ISX: variants seen among roughly 807,000 people sequenced by gnomAD.
ISX encodes the protein intestine specific homeobox, also known as intestine-specific homeobox.
In ISX, 15 loss-of-function variants were observed where a neutral mutation model predicts 16.9. The ratio of observed to expected loss-of-function variants is 0.89; its 90% confidence interval spans 0.59 to 1.36. The LOEUF is 1.36. Ranked by LOEUF, ISX falls within the 40% of genes most tolerant of loss-of-function variation. The probability of loss-of-function intolerance (pLI) is 0.00; values close to 1 mark genes in which losing one functional copy is unlikely to be tolerated. For missense variants in ISX, 316 were observed against 306.1 expected (o/e 1.03, Z -0.24); for synonymous variants, 125 against 119.7 (o/e 1.04, Z -0.29).
chr22:35,083,504 T>C (rs1003862593), intron 3 of ISX, among the ~76,000 whole-genome samples: 7 of 152,376 alleles, frequency 4.6e-5, no homozygotes, highest in Admixed American at 1.3e-4. Flanking sequence ...AGGTATTTCC[T>C]GCCCTCTTCA....
At chr22:35,085,259 C>G (rs908762417) in intron 4 of ISX, among the ~76,000 whole-genome samples, 195 bp from the exon 5 acceptor site, 1 of 152,166 alleles carries the variant, frequency 6.6e-6, no homozygotes, top group African/African-American at 2.4e-5. Context: ...TTCTCCCCAC[C>G]TACAGTAACC....
Position 35,086,043 on chromosome 22 carries a change from T to A in ISX, c.*350T>A, listed in dbSNP as rs1171149688. On this transcript the variant is annotated 3_prime_UTR_variant, in exon 5 of 5. Coordinates refer to ENST00000404699, the MANE Select transcript of ISX (RefSeq NM_001303508.2). ...GGTCACTCACCCTCTCTGGACCTCA[T>A]CTGTAAGAGGAGCCAGCTGGATAAG... 1 of 338,666 alleles carries A rather than the reference T, an allele frequency of 3.0e-6. No individual in the cohort carries two copies. Among genetic ancestry groups the A allele is most frequent in the Non-Finnish European group, 5.6e-6 (1 of 177,752 alleles). 21.0% of individuals were successfully genotyped at this position (338,666 alleles called of 1,614,324 possible). A position where few individuals can be genotyped will look rare whatever the true frequency, so the allele number is the denominator to read the frequency against.
chr22:35,085,860 G>C lies in ISX; in HGVS notation c.*167G>C, dbSNP rs546529767. 10 of 748,086 alleles carry C rather than the reference G, an allele frequency of 1.3e-5. No individual in the cohort carries two copies. The East Asian group carries it at 2.7e-4, about 20-fold the overall frequency. The allele number at this position is 748,086 out of a possible 1,614,324, so 46.3% of individuals were successfully genotyped here. The stretch of plus-strand genomic sequence containing the variant: ...TTGGAAGGCTGCACCAGACTCAAAA[G>C]CAAACTAAACAATAAAGGACAGCTC... On this transcript the variant is annotated 3_prime_UTR_variant, in exon 5 of 5. Coordinates refer to ENST00000404699, the MANE Select transcript of ISX (RefSeq NM_001303508.2).
intron 2 of ISX, among the ~76,000 whole-genome samples, chr22:35,076,389 T>C (rs1170249272): frequency 2.0e-5 from 3 of 152,232 alleles, no homozygotes; most frequent in African/African-American, 7.2e-5. Context: ...TTGAACGCCA[T>C]GCTAAGGAGC....
chr22:35,068,325 C>T (rs1439892334), intron 2 of ISX, among the ~76,000 whole-genome samples: 1 of 152,144 alleles, frequency 6.6e-6, no homozygotes, highest in Non-Finnish European at 1.5e-5. Flanking sequence ...AGCTCCACAT[C>T]CCCACCAACG....
chr22:35,076,086 C>T (rs936740761), intron 2 of ISX, among the ~76,000 whole-genome samples: 7 of 135,560 alleles, frequency 5.2e-5, no homozygotes, highest in African/African-American at 1.3e-4. Flanking sequence ...GCTGAAATTT[C>T]GCACTCTTAA....
In ISX at chr22:35,079,191, T is replaced by C. The variant is rs148151408; in HGVS notation, c.230-3327T>C. Among the ~76,000 whole-genome samples the C allele has an allele frequency of 4.6e-5, 7 of 152,330 alleles. No individual in the cohort carries two copies. The East Asian group carries it at 1.3e-3, about 29-fold the overall frequency. On this transcript the variant is annotated intron_variant, in intron 2 of 4. Transcript: ENST00000404699. ...TTCACTGAGTGTCTACTCCAATTCT[T>C]AGTATGTGATGGCTTTACCTCTCTT...
At chr22:35,083,704 GGC>G (rs1487325373) in intron 3 of ISX, among the ~76,000 whole-genome samples, 6 of 152,150 alleles carry the variant, frequency 3.9e-5, no homozygotes, top group Admixed American at 1.3e-4. Context: ...CTTTCCTTCT[GGC>G]TGGGGACCAC....
rs947595086 is a variant in ISX, at chr22:35,066,835, T to C, written c.-253T>C. 2 of 456,784 alleles carry C rather than the reference T, an allele frequency of 4.4e-6. No homozygotes were observed. Among genetic ancestry groups the C allele is most frequent in the South Asian group, 3.7e-5 (1 of 26,732 alleles). 28.3% of individuals were successfully genotyped at this position (456,784 alleles called of 1,614,324 possible). A position where few individuals can be genotyped will look rare whatever the true frequency, so the allele number is the denominator to read the frequency against. On this transcript the variant is annotated 5_prime_UTR_variant, in exon 2 of 5. It removes an upstream start codon present in the reference 5' UTR. Coordinates refer to ENST00000404699, the MANE Select transcript of ISX (RefSeq NM_001303508.2). ...GGAAGATTGAACCCCAATTCAGCCA[T>C]GGTGACTCCTTTGATGTCAAACTGG... is the stretch of plus-strand genomic sequence containing the variant.
intron 2 of ISX, among the ~76,000 whole-genome samples, chr22:35,071,107 GCTCACCTCCCATCACACCCTCCCC>G (rs1928841750): frequency 2.0e-5 from 3 of 152,248 alleles, no homozygotes; most frequent in East Asian, 3.9e-4. Context: ...TTCATCCCAG[GCTCACCTCCCATCACACCCTCCCC>G]GGCCCTGTCT....
At chr22:35,085,316 C>T in intron 4 of ISX, 138 bp from the exon 5 acceptor site, 1 of 1,066,822 alleles carries the variant, frequency 9.4e-7, no homozygotes, top group Non-Finnish European at 1.4e-6. Flanking sequence ...CAGAGCTAAA[C>T]CCAGAAGGTC....
At chr22:35,078,839 C>A (rs556187264) in intron 2 of ISX, among the ~76,000 whole-genome samples, 2 of 152,242 alleles carry the variant, frequency 1.3e-5, no homozygotes, top group African/African-American at 2.4e-5. Flanking sequence ...TGCAGGCAAG[C>A]CTGCGGTGAG....
rs1928714805 is a variant in ISX at position 35,066,986 on chromosome 22, C to A, written c.-102C>A. ...CTAACTGGAGGCTCTCTGTTCTTCA[C>A]CTCCACGCGCCCTCTTGACCCCAGG... is the stretch of plus-strand genomic sequence containing the variant. On this transcript the variant is annotated 5_prime_UTR_variant, in exon 2 of 5. Coordinates refer to ENST00000404699, the MANE Select transcript of ISX (RefSeq NM_001303508.2). The A allele has an allele frequency of 1.3e-6, 1 of 768,908 alleles. No homozygotes were observed. Among genetic ancestry groups the A allele is most frequent in the Non-Finnish European group, 2.1e-6 (1 of 470,250 alleles). The allele number at this position is 768,908 out of a possible 1,614,324, so 47.6% of individuals were successfully genotyped here. A position where few individuals can be genotyped will look rare whatever the true frequency, so the allele number is the denominator to read the frequency against.
chr22:35,071,119 T>A (rs1928842377), intron 2 of ISX, among the ~76,000 whole-genome samples: 1 of 152,170 alleles, frequency 6.6e-6, no homozygotes, highest in African/African-American at 2.4e-5. Flanking sequence ...TCACCTCCCA[T>A]CACACCCTCC....
intron 2 of ISX, among the ~76,000 whole-genome samples, chr22:35,069,345 G>T (rs918768196): frequency 6.6e-6 from 1 of 152,164 alleles, no homozygotes; most frequent in East Asian, 1.9e-4. Context: ...CACTGGGTGA[G>T]AAGGGCAGGG....
intron 2 of ISX, among the ~76,000 whole-genome samples, chr22:35,072,051 C>T (rs361868): frequency 0.43 from 65,603 of 152,068 alleles, 14,659 homozygotes; most frequent in East Asian, 0.79. Context: ...TCAGAGCAGA[C>T]GAGAACAGGG....
chr22:35,078,318 C>A (rs781041635), intron 2 of ISX, among the ~76,000 whole-genome samples: 2 of 152,120 alleles, frequency 1.3e-5, no homozygotes, highest in Non-Finnish European at 2.9e-5. Flanking sequence ...GCCCTCAGTG[C>A]CTATTAGGTG....
At chr22:35,078,612 C>G (rs568670034) in intron 2 of ISX, among the ~76,000 whole-genome samples, 1 of 149,828 alleles carries the variant, frequency 6.7e-6, no homozygotes, top group Non-Finnish European at 1.5e-5. Flanking sequence ...AGCCTCACTG[C>G]CTGCGACTCC....
At chr22:35,072,275 AAG>A (rs1219225066) in intron 2 of ISX, among the ~76,000 whole-genome samples, 3 of 152,214 alleles carry the variant, frequency 2.0e-5, no homozygotes, top group Non-Finnish European at 4.4e-5. Flanking sequence ...ACCTGCAAAA[AAG>A]AGCACGGTAT....
Sources: allele counts gnomAD v4.1 joint callset (sites outside exome capture counted in the v4.1 genomes callset), GRCh38; gene constraint gnomAD v4.1.1; transcripts MANE v1.5; gene names NCBI Gene and HGNC (gene_info 2026-07-23, HGNC 2026-07-21).